MAPK10: variants seen among roughly 807,000 people sequenced by gnomAD.
MAPK10 encodes the protein JNK3 alpha protein kinase.
MAPK10 carries 25 observed loss-of-function variants against 59.3 expected under a neutral mutation model. The observed-to-expected ratio is 0.42, with a 90% confidence interval of 0.31 to 0.59. The LOEUF is 0.59. MAPK10 is among the 20% of genes least tolerant of loss of function. The pLI, the probability that MAPK10 is intolerant of heterozygous loss-of-function variation, is 0.15. For missense variants in MAPK10, 351 were observed against 568.9 expected (o/e 0.62, Z 3.90); for synonymous variants, 190 against 200.5 (o/e 0.95, Z 0.44).
At chr4:86,435,906 A>G (rs757107022) in intron 1 of MAPK10, among the ~76,000 whole-genome samples, 1 of 152,358 alleles carries the variant, frequency 6.6e-6, no homozygotes, top group East Asian at 1.9e-4. Context: ...ACTTTGTCTA[A>G]AAATCATTGT....
At chr4:86,295,731 A>AT (rs1457253181) in intron 2 of MAPK10, among the ~76,000 whole-genome samples, 15 of 147,102 alleles carry the variant, frequency 1.0e-4, no homozygotes, top group Admixed American at 2.0e-4. Context: ...ATGAATATAT[A>AT]ATATATAAAT....
intron 1 of MAPK10, among the ~76,000 whole-genome samples, chr4:86,415,418 G>C (rs1674277994): frequency 6.6e-6 from 1 of 152,144 alleles, no homozygotes. Flanking sequence ...AAAACTGTAA[G>C]GCAGCATTAT....
At position 86,320,995 on chromosome 4, in the gene MAPK10, C is replaced by T. The variant is rs369336615; in HGVS notation, c.-7+33535G>A. 4.0e-3 allele frequency among the ~76,000 whole-genome samples: 610 copies of T among 152,296 alleles called. 24 individuals are homozygous for T. In the East Asian group the frequency reaches 0.089, roughly 22 times the overall value. ...AAACACATGAAAAAATGCTCACCAT[C>T]ACTGGTCATCAGAGAAATGCAAATC... On this transcript the variant is annotated intron_variant, in intron 2 of 13. Coordinates refer to ENST00000641462, the MANE Select transcript of MAPK10 (RefSeq NM_138982.4).
chr4:86,347,017 TCTG>T (rs1728652532), intron 2 of MAPK10, among the ~76,000 whole-genome samples: 1 of 152,160 alleles, frequency 6.6e-6, no homozygotes, highest in Non-Finnish European at 1.5e-5. Context: ...TAAGTGACTT[TCTG>T]AAAGCAGTAC....
chr4:86,471,709 C>T (rs1044834009), intron 1 of MAPK10, among the ~76,000 whole-genome samples: 2 of 152,030 alleles, frequency 1.3e-5, no homozygotes, highest in Non-Finnish European at 2.9e-5. Context: ...AATTAAAATG[C>T]CTGAAAGATA....
At chr4:86,222,786 C>T (rs910202845) in intron 2 of MAPK10, among the ~76,000 whole-genome samples, 27 of 152,214 alleles carry the variant, frequency 1.8e-4, no homozygotes, top group Admixed American at 1.6e-3. Flanking sequence ...GACTTTTACA[C>T]ACAATGTTTG....
chr4:86,536,073 G>A (rs2149093213), intron 1 of MAPK10, among the ~76,000 whole-genome samples: 1 of 152,264 alleles, frequency 6.6e-6, no homozygotes, highest in South Asian at 2.1e-4. Context: ...TGACAACTAT[G>A]AGGTTTTCTA....
In MAPK10 at chr4:86,186,078, A is replaced by G. The variant is rs909534555; in HGVS notation, c.66+8258T>C. Among the ~76,000 whole-genome samples, 4 of 152,162 alleles carry G rather than the reference A, an allele frequency of 2.6e-5. No individual in the cohort carries two copies. The South Asian group carries it at 6.2e-4, about 24-fold the overall frequency. ...TGAGTATAAATTTATTTAAAATTTA[A>G]TCATCTATTTAACAAACACATGTGC... On this transcript the variant is annotated intron_variant, in intron 3 of 13. Coordinates refer to ENST00000641462, the MANE Select transcript of MAPK10 (RefSeq NM_138982.4).
At chr4:86,394,564 A>AT (rs941700530) in intron 1 of MAPK10, among the ~76,000 whole-genome samples, 3 of 152,084 alleles carry the variant, frequency 2.0e-5, no homozygotes, top group Admixed American at 6.6e-5. Context: ...GTGGTATGGG[A>AT]TTTTTTTCAG....
intron 1 of MAPK10, among the ~76,000 whole-genome samples, chr4:86,583,505 T>TA (rs1191508210): frequency 1.3e-5 from 2 of 152,026 alleles, no homozygotes; most frequent in East Asian, 3.9e-4. Flanking sequence ...TTTTCTACAT[T>TA]AAAAAAACGC....
chr4:86,445,620 A>G (rs1198465263), intron 1 of MAPK10, among the ~76,000 whole-genome samples: 1 of 152,194 alleles, frequency 6.6e-6, no homozygotes, highest in East Asian at 1.9e-4. Flanking sequence ...AAACAAAAAC[A>G]GAAAGAAGCC....
intron 1 of MAPK10, among the ~76,000 whole-genome samples, chr4:86,433,836 C>T (rs758202735): frequency 2.0e-4 from 31 of 152,114 alleles, no homozygotes; most frequent in South Asian, 4.1e-4. Flanking sequence ...TCAGCTGAAC[C>T]TCATGACACA....
chr4:86,048,690 G>A (rs2042965010), intron 11 of MAPK10, among the ~76,000 whole-genome samples: 1 of 151,910 alleles, frequency 6.6e-6, no homozygotes, highest in Non-Finnish European at 1.5e-5. Context: ...AATAGCCCCA[G>A]GATACAAATC....
chr4:86,036,775 A>AT (rs1409489218), intron 11 of MAPK10, among the ~76,000 whole-genome samples: 1 of 152,228 alleles, frequency 6.6e-6, no homozygotes, highest in Non-Finnish European at 1.5e-5. Context: ...AAATAGTTCC[A>AT]TTTTATGCTT....
At chr4:86,187,907 A>T (rs1428400563) in intron 3 of MAPK10, among the ~76,000 whole-genome samples, 1 of 151,620 alleles carries the variant, frequency 6.6e-6, no homozygotes, top group Non-Finnish European at 1.5e-5. Flanking sequence ...TCCTAATTCT[A>T]TCCCTCTCGA....
Position 86,170,472 on chromosome 4 carries a change from G to A in MAPK10, c.67-11005C>T, listed in dbSNP as rs143794413. Among the ~76,000 whole-genome samples the A allele has an allele frequency of 2.2e-3, 341 of 152,202 alleles. 3 individuals are homozygous for A. The highest frequency in any genetic ancestry group is 4.8e-3 in the East Asian group (25 of 5,186). On this transcript the variant is annotated intron_variant, in intron 3 of 13. Transcript: ENST00000641462. ...TAAACCAACAAAGATCAAAAGAGAC[G>A]AAGAAGGCCATTACATAATGGTAAA...
chr4:86,347,059 G>C (rs1728673926), intron 2 of MAPK10, among the ~76,000 whole-genome samples: 1 of 152,100 alleles, frequency 6.6e-6, no homozygotes, highest in Non-Finnish European at 1.5e-5. Flanking sequence ...AAATTTGAAA[G>C]AGCTTAAAAG....
At chr4:86,298,670 CA>C (rs1392514573) in intron 2 of MAPK10, among the ~76,000 whole-genome samples, 2 of 152,302 alleles carry the variant, frequency 1.3e-5, no homozygotes, top group Non-Finnish European at 2.9e-5. Context: ...TTTATTTTGC[CA>C]TTAGTGTGTG....
chr4:86,557,576 T>C (rs1401631459), intron 1 of MAPK10, among the ~76,000 whole-genome samples: 1 of 152,066 alleles, frequency 6.6e-6, no homozygotes, highest in Non-Finnish European at 1.5e-5. Flanking sequence ...CATTTACAAA[T>C]TACTGATAAA....
Sources: allele counts gnomAD v4.1 joint callset (sites outside exome capture counted in the v4.1 genomes callset), GRCh38; gene constraint gnomAD v4.1.1; transcripts MANE v1.5; gene names NCBI Gene and HGNC (gene_info 2026-07-23, HGNC 2026-07-21).